MGAT4C: variants seen among roughly 807,000 people sequenced by gnomAD.
The protein encoded by MGAT4C is alpha-1,3-mannosyl-glycoprotein 4-beta-N-acetylglucosaminyltransferase C.
In MGAT4C, 19 loss-of-function variants were observed where a neutral mutation model predicts 40.1. The observed-to-expected ratio is 0.47, with a 90% CI of 0.33 to 0.70. The LOEUF is 0.70. MGAT4C is among the 30% of genes least tolerant of loss of function. The probability of loss-of-function intolerance (pLI) is 0.02; values close to 1 mark genes in which losing one functional copy is unlikely to be tolerated. For synonymous variants in MGAT4C, 181 were observed against 187.1 expected (o/e 0.97, Z 0.27); for missense variants, 491 against 563.2 (o/e 0.87, Z 1.30).
rs539841502 is a variant in MGAT4C, at chr12:85,958,967, G to A, written c.*20322C>T. 2.0e-5 allele frequency: 3 copies of A among 151,906 alleles called. No homozygotes were observed. In the South Asian group the frequency reaches 6.2e-4, roughly 31 times the overall value. The allele number at this position is 151,906 out of a possible 1,614,324, so 9.4% of individuals were successfully genotyped here. A position where few individuals can be genotyped will look rare whatever the true frequency, so the allele number is the denominator to read the frequency against. On this transcript the variant is annotated 3_prime_UTR_variant, in exon 5 of 5. Transcript: ENST00000611864. Reference sequence around the variant, plus strand: ...GAAATAAAAAAAATACAAGTGCATAGGGCAGAGGAGGCGATTCAGTTACTT... The same window carrying A: ...GAAATAAAAAAAATACAAGTGCATAAGGCAGAGGAGGCGATTCAGTTACTT...
chr12:86,468,094 T>C (rs1957707277), intron 2 of MGAT4C, among the ~76,000 whole-genome samples: 1 of 152,060 alleles, frequency 6.6e-6, no homozygotes, highest in East Asian at 1.9e-4. Flanking sequence ...AATTATTTCT[T>C]TAACTCAAAA....
intron 1 of MGAT4C, among the ~76,000 whole-genome samples, chr12:86,074,821 G>A (rs895314516): frequency 2.8e-4 from 43 of 152,264 alleles, no homozygotes; most frequent in Admixed American, 5.2e-4. Flanking sequence ...ATCAGATCTC[G>A]TGAGACTTAT....
intron 2 of MGAT4C, among the ~76,000 whole-genome samples, chr12:86,688,253 T>C (rs1950111314): frequency 6.9e-6 from 1 of 144,794 alleles, no homozygotes; most frequent in African/African-American, 2.6e-5. Context: ...GCACATGAAA[T>C]GGGTCTCCTG....
chr12:86,620,446 T>A (rs80061524), intron 2 of MGAT4C, among the ~76,000 whole-genome samples: 3 of 152,102 alleles, frequency 2.0e-5, no homozygotes, highest in Non-Finnish European at 2.9e-5. Flanking sequence ...CATTATCTTA[T>A]AAGAAATAAT....
At position 85,979,551 on chromosome 12, in the gene MGAT4C, A is replaced by AT. The variant is rs746398787; in HGVS notation, c.1174dup (p.Ile392AsnfsTer2). The AT allele has an allele frequency of 8.7e-6, 14 of 1,609,230 alleles. No homozygotes were observed. The highest frequency in any genetic ancestry group is 2.7e-5 in the African/African-American group (2 of 74,616). On this transcript the variant is annotated frameshift_variant, in exon 5 of 5. Transcript: ENST00000611864. LOFTEE classifies it high-confidence loss of function. ...ATCTTCTGTTCCAGTATTTACTTTA[A>AT]TTTTTTTTATTATAATTGGATTTTC...
At chr12:86,263,583 C>T (rs1272187764) in intron 4 of MGAT4C, among the ~76,000 whole-genome samples, 2 of 152,096 alleles carry the variant, frequency 1.3e-5, no homozygotes. Flanking sequence ...CTATTGATGA[C>T]ACTTAAGTTG....
chr12:86,784,675 A>G (rs1951900752), intron 1 of MGAT4C, among the ~76,000 whole-genome samples: 1 of 151,986 alleles, frequency 6.6e-6, no homozygotes, highest in South Asian at 2.1e-4. Context: ...AAAGAAAAAA[A>G]AAAAGGAGGC....
In MGAT4C at chr12:86,825,758, T is replaced by C. The variant is rs552298225; in HGVS notation, c.-262+12908A>G. Among the ~76,000 whole-genome samples, 6 of 151,614 alleles carry C rather than the reference T, an allele frequency of 4.0e-5. No homozygotes were observed. In the South Asian group the frequency reaches 1.2e-3, roughly 31 times the overall value. ...ATCACTGGCTCTAGAAACTAAGCTT[T>C]TTACCAGCATACAACAGTGTGATAC... On this transcript the variant is annotated intron_variant, in intron 1 of 7. Transcript: ENST00000548651.
At chr12:86,286,156 C>T (rs566208642) in intron 4 of MGAT4C, among the ~76,000 whole-genome samples, 1 of 151,970 alleles carries the variant, frequency 6.6e-6, no homozygotes, top group Admixed American at 6.6e-5. Context: ...AAAATATCAC[C>T]AGGAAACTAG....
intron 1 of MGAT4C, among the ~76,000 whole-genome samples, chr12:86,086,105 G>A (rs1320581801): frequency 1.3e-5 from 2 of 152,098 alleles, no homozygotes; most frequent in Non-Finnish European, 2.9e-5. Context: ...GTTTATTGCA[G>A]CACTATTCAC....
chr12:86,800,448 A>G (rs1397105151), intron 1 of MGAT4C, among the ~76,000 whole-genome samples: 1 of 151,792 alleles, frequency 6.6e-6, no homozygotes, highest in African/African-American at 2.4e-5. Flanking sequence ...ATTAAATTCC[A>G]TCTGTTTTAA....
chr12:86,095,863 ATTAC>A (rs1031332480), intron 1 of MGAT4C, among the ~76,000 whole-genome samples: 18 of 151,914 alleles, frequency 1.2e-4, no homozygotes, highest in African/African-American at 4.3e-4. Context: ...TATATTGACT[ATTAC>A]TTAGTCTTAA....
intron 2 of MGAT4C, among the ~76,000 whole-genome samples, chr12:86,479,929 A>G (rs1308429265): frequency 6.6e-6 from 1 of 151,836 alleles, no homozygotes; most frequent in African/African-American, 2.4e-5. Context: ...CCTTTTTAAT[A>G]CTTATTATTA....
chr12:85,990,419 T>G (rs1247664020), intron 2 of MGAT4C, among the ~76,000 whole-genome samples: 2 of 152,168 alleles, frequency 1.3e-5, no homozygotes, highest in Non-Finnish European at 2.9e-5. Flanking sequence ...ATCAACACAT[T>G]GATAACCTGA....
intron 1 of MGAT4C, among the ~76,000 whole-genome samples, chr12:86,742,817 A>G (rs1036935159): frequency 6.6e-6 from 1 of 151,608 alleles, no homozygotes; most frequent in African/African-American, 2.4e-5. Context: ...TAATAAAAAA[A>G]TAATACTAAC....
At chr12:86,572,543 C>T (rs1449011384) in intron 2 of MGAT4C, among the ~76,000 whole-genome samples, 1 of 152,056 alleles carries the variant, frequency 6.6e-6, no homozygotes, top group African/African-American at 2.4e-5. Context: ...TCTGCATCAC[C>T]CACATCTAGC....
intron 2 of MGAT4C, among the ~76,000 whole-genome samples, chr12:86,705,397 A>G (rs964041467): frequency 1.3e-5 from 2 of 152,090 alleles, no homozygotes; most frequent in African/African-American, 4.8e-5. Context: ...GATGCACACT[A>G]CTAAGAATTG....
intron 1 of MGAT4C, among the ~76,000 whole-genome samples, chr12:86,198,610 CTTTTA>C (rs1949913876): frequency 6.6e-6 from 1 of 152,026 alleles, no homozygotes; most frequent in African/African-American, 2.4e-5. Context: ...TGTTCATAAA[CTTTTA>C]TTTTTATAAA....
chr12:86,557,616 T>A (rs1290206728), intron 2 of MGAT4C, among the ~76,000 whole-genome samples: 1 of 152,208 alleles, frequency 6.6e-6, no homozygotes, highest in African/African-American at 2.4e-5. Flanking sequence ...TGGACACCAC[T>A]GATGCTGATT....
Sources: gnomAD v4.1 joint callset for allele counts (sites outside exome capture counted in the v4.1 genomes callset) on GRCh38, gnomAD v4.1.1 for gene constraint, MANE v1.5 for transcripts, NCBI Gene and HGNC (gene_info 2026-07-23, HGNC 2026-07-21) for gene names.